TMEM170A: variants seen among roughly 807,000 people sequenced by gnomAD.
TMEM170A encodes the protein transmembrane protein 170.
A neutral mutation model predicts 12.8 loss-of-function variants in TMEM170A; 18 were observed. The observed-to-expected ratio is 1.41, with a 90% CI of 0.97 to 2.09. The LOEUF (loss-of-function observed/expected upper bound fraction) is 2.09, where lower values mean the gene tolerates loss of function less well. TMEM170A is among the 30% of genes most tolerant of loss of function. TMEM170A has a pLI of 0.00. For synonymous variants in TMEM170A, 107 were observed against 76.2 expected (o/e 1.40, Z -2.11); for missense variants, 220 against 179.9 (o/e 1.22, Z -1.28).
chr16:75,464,172 G>A (rs1459086002), intron 1 of TMEM170A: 1 of 1,474,038 alleles, frequency 6.8e-7, no homozygotes, highest in Non-Finnish European at 9.1e-7. Flanking sequence ...GAGGCGCTCG[G>A]AAGCTCAAGG....
At chr16:75,453,278 A>G (rs555906854) in intron 1 of TMEM170A, among the ~76,000 whole-genome samples, 1 of 152,280 alleles carries the variant, frequency 6.6e-6, no homozygotes, top group Admixed American at 6.5e-5. Context: ...TACAAAAAAT[A>G]CAAAAATTAG....
rs2079586616 is a variant in TMEM170A at position 75,446,362 on chromosome 16, T to C, written c.*1196A>G. 1 of 152,068 alleles carries C rather than the reference T, an allele frequency of 6.6e-6. No individual in the cohort carries two copies. Among genetic ancestry groups the C allele is most frequent in the Non-Finnish European group, 1.5e-5 (1 of 68,014 alleles). 9.4% of individuals were successfully genotyped at this position (152,068 alleles called of 1,614,324 possible). A position where few individuals can be genotyped will look rare whatever the true frequency, so the allele number is the denominator to read the frequency against. On this transcript the variant is annotated 3_prime_UTR_variant, in exon 3 of 3. Transcript: ENST00000561878. ...GAGTCACAGTTTTCAGGCCTTTTAA[T>C]GAAAAAGAAAGTTAGGCAGTAGAAT... is the stretch of plus-strand genomic sequence containing the variant.
chr16:75,462,973 G>C (rs991787866), intron 1 of TMEM170A, among the ~76,000 whole-genome samples: 2 of 152,086 alleles, frequency 1.3e-5, no homozygotes, highest in African/African-American at 4.8e-5. Flanking sequence ...ACTTCCTATT[G>C]AATGACTCGA....
rs1369172654 is a variant in TMEM170A at position 75,451,700 on chromosome 16, G to C, written c.273C>G (p.Ile91Met). The C allele has an allele frequency of 1.2e-6, 2 of 1,614,034 alleles. No homozygotes were observed. The highest frequency in any genetic ancestry group is 1.1e-5 in the South Asian group (1 of 91,088). Residue 91 changes from isoleucine (I) to methionine (M), a missense_variant, in exon 2 of 3, where the codon ATC becomes ATG. Physicochemically the swap from Ile to Met is conservative, Grantham distance 10. Coordinates refer to ENST00000561878, the MANE Select transcript of TMEM170A (RefSeq NM_145254.3). ...AGATTCCAGCAGTAATTGGTCCCAC[G>C]ATGCCCATCAACAGGATGCTTACAG... Reference protein sequence around the residue: ...FMSVSILLMGIVGPITAGILT... With the variant: ...FMSVSILLMGMVGPITAGILT...
chr16:75,463,463 A>G (rs1264065064), intron 1 of TMEM170A, among the ~76,000 whole-genome samples: 1 of 152,074 alleles, frequency 6.6e-6, no homozygotes, highest in African/African-American at 2.4e-5. Flanking sequence ...TGGGCACATA[A>G]CACTGCAAGT....
At chr16:75,452,388 C>T (rs2079705290) in intron 1 of TMEM170A, among the ~76,000 whole-genome samples, 1 of 152,222 alleles carries the variant, frequency 6.6e-6, no homozygotes, top group Non-Finnish European at 1.5e-5. Context: ...CCGCCTCAGC[C>T]TCCGGAGTGG....
rs76344623 is a variant in TMEM170A, at chr16:75,452,861, G to A, written c.134-1022C>T. Among the ~76,000 whole-genome samples the A allele has an allele frequency of 3.7e-3, 557 of 152,230 alleles. 1 individual carries two copies. The highest frequency in any genetic ancestry group is 0.013 in the African/African-American group (538 of 41,542). ...CCACCTGTTTTTTACACACTTATCT[G>A]AACCCATTCATAATACTTTTATACA... On this transcript the variant is annotated intron_variant, in intron 1 of 2. Transcript: ENST00000561878.
At chr16:75,454,798 C>T (rs1270462646) in intron 1 of TMEM170A, among the ~76,000 whole-genome samples, 1 of 152,196 alleles carries the variant, frequency 6.6e-6, no homozygotes, top group Admixed American at 6.5e-5. Context: ...CCCCACCTGA[C>T]ACTCCTAGTT....
intron 1 of TMEM170A, among the ~76,000 whole-genome samples, chr16:75,456,828 G>C (rs1316649046): frequency 6.6e-6 from 1 of 152,084 alleles, no homozygotes; most frequent in Non-Finnish European, 1.5e-5. Flanking sequence ...GAGTGGCCTG[G>C]CCTCCCAGCT....
intron 2 of TMEM170A, among the ~76,000 whole-genome samples, chr16:75,449,173 G>A (rs766316500): frequency 3.9e-5 from 6 of 152,132 alleles, no homozygotes; most frequent in Non-Finnish European, 8.8e-5. Flanking sequence ...CTTTGTCATA[G>A]TGTGTTCATT....
Position 75,445,415 on chromosome 16 carries a change from T to C in TMEM170A, c.*2143A>G, listed in dbSNP as rs1388906639. ...GCCTGAACCTCCCAGGCACAAGTGA[T>C]CCTCCCACTTTAGCCTCTTGGGTAG... On this transcript the variant is annotated 3_prime_UTR_variant, in exon 3 of 3. Transcript: ENST00000561878. 6.6e-6 allele frequency: 1 copy of C among 152,342 alleles called. No homozygotes were observed. The highest frequency in any genetic ancestry group is 1.9e-4 in the East Asian group (1 of 5,182). The allele number at this position is 152,342 out of a possible 1,614,324, so 9.4% of individuals were successfully genotyped here.
chr16:75,460,892 G>C (rs370408757), intron 1 of TMEM170A, among the ~76,000 whole-genome samples: 58 of 152,196 alleles, frequency 3.8e-4, no homozygotes, highest in African/African-American at 1.4e-3. Context: ...ATTATCACTA[G>C]ATCTAATTTG....
intron 1 of TMEM170A, among the ~76,000 whole-genome samples, chr16:75,456,955 A>C (rs1455389557): frequency 6.6e-6 from 1 of 152,202 alleles, no homozygotes; most frequent in East Asian, 1.9e-4. Context: ...TGCCACTCCC[A>C]AATCAATCTG....
chr16:75,462,484 C>G (rs745415325), intron 1 of TMEM170A, among the ~76,000 whole-genome samples: 3 of 152,218 alleles, frequency 2.0e-5, no homozygotes, highest in Non-Finnish European at 4.4e-5. Context: ...GCTGGGATTA[C>G]AGGTGTGAGC....
chr16:75,448,011 C>G (rs372666927), intron 2 of TMEM170A, among the ~76,000 whole-genome samples: 5 of 152,262 alleles, frequency 3.3e-5, no homozygotes, highest in African/African-American at 1.2e-4. Flanking sequence ...ATTATGAACT[C>G]AAAAATATCT....
chr16:75,451,165 C>T (rs2079674210), intron 2 of TMEM170A, among the ~76,000 whole-genome samples: 1 of 151,996 alleles, frequency 6.6e-6, no homozygotes, highest in Non-Finnish European at 1.5e-5. Context: ...ACATGACTTC[C>T]CTGAAGCCAC....
rs1267510208 is a variant in TMEM170A at position 75,445,563 on chromosome 16, C to T, written c.*1995G>A. ...CCTCCCACATCGACCTCCCAAAGTGCTGGGATTATAGGTGTGAGCCACTGC... is the reference window on the plus strand; with the variant it reads ...CCTCCCACATCGACCTCCCAAAGTGTTGGGATTATAGGTGTGAGCCACTGC... On this transcript the variant is annotated 3_prime_UTR_variant, in exon 3 of 3. Coordinates refer to ENST00000561878, the MANE Select transcript of TMEM170A (RefSeq NM_145254.3). 6.6e-6 allele frequency: 1 copy of T among 152,282 alleles called. No individual in the cohort carries two copies. The highest frequency in any genetic ancestry group is 1.5e-5 in the Non-Finnish European group (1 of 68,118). 9.4% of individuals were successfully genotyped at this position (152,282 alleles called of 1,614,324 possible).
intron 1 of TMEM170A, chr16:75,464,100 G>A: frequency 9.7e-7 from 1 of 1,032,254 alleles, no homozygotes; most frequent in East Asian, 3.1e-5. Flanking sequence ...GGGCGCCGTG[G>A]GGCAACCCAG....
chr16:75,454,630 G>C (rs118016426), intron 1 of TMEM170A, among the ~76,000 whole-genome samples: 1 of 152,032 alleles, frequency 6.6e-6, no homozygotes, highest in Admixed American at 6.6e-5. Flanking sequence ...ATGACACTCC[G>C]TCTCAAAAAA....
Sources: gnomAD v4.1 joint callset for allele counts (sites outside exome capture counted in the v4.1 genomes callset) on GRCh38, gnomAD v4.1.1 for gene constraint, MANE v1.5 for transcripts, NCBI Gene and HGNC (gene_info 2026-07-23, HGNC 2026-07-21) for gene names.